The following HEXIM2 variants were observed in gnomAD, a reference collection of about 807,000 sequenced individuals.
HEXIM2 encodes the protein HEXIM P-TEFb complex subunit 2.
For missense variants in HEXIM2, 413 were observed against 390.8 expected (o/e 1.06, Z -0.48); for synonymous variants, 159 against 162.7 (o/e 0.98, Z 0.17).
chr17:45,160,361 G>C (rs1048013939), upstream of HEXIM2, among the ~76,000 whole-genome samples: 4 of 152,042 alleles, frequency 2.6e-5, no homozygotes, highest in African/African-American at 9.7e-5. Flanking sequence ...AGGTTACCTA[G>C]TAACAATGCA....
chr17:45,169,336 G>A lies in HEXIM2; in HGVS notation c.388G>A (p.Glu130Lys). The A allele has an allele frequency of 6.2e-7, 1 of 1,613,924 alleles. No individual in the cohort carries two copies. Among genetic ancestry groups the A allele is most frequent in the Non-Finnish European group, 8.5e-7 (1 of 1,180,030 alleles). Residue 130 changes from glutamate (E) to lysine (K), a missense_variant, in exon 4 of 4, where the codon GAG (glutamate) becomes AAG (lysine). Transcript: ENST00000589230. Reference protein sequence around the residue: ...QSQRASRVREEMFAKGQPVAP... With the variant: ...QSQRASRVREKMFAKGQPVAP... ...CCAGAGGGCCTCCCGGGTCCGCGAA[G>A]AGATGTTCGCCAAAGGCCAGCCCGT...
chr17:45,169,557 G>C lies in HEXIM2; in HGVS notation c.609G>C (p.Glu203Asp), dbSNP rs773623201. 1.9e-6 allele frequency: 3 copies of C among 1,561,718 alleles called. No individual in the cohort carries two copies. The highest frequency in any genetic ancestry group is 2.3e-5 in the South Asian group (2 of 85,630). Residue 203 changes from glutamate (E) to aspartate (D), a missense_variant, in exon 4 of 4, where the codon GAG becomes GAC. Coordinates refer to ENST00000589230, the MANE Select transcript of HEXIM2 (RefSeq NM_001303441.2). The part of the protein sequence containing the change: ...FSETYERFHT[E>D]SLQGRSKQEL... ...AGACTTACGAACGCTTCCACACCGA[G>C]AGCCTGCAGGGCCGCAGCAAGCAGG...
At chr17:45,160,519 C>G (rs1266422957), upstream of HEXIM2, among the ~76,000 whole-genome samples, 1 of 151,938 alleles carries the variant, frequency 6.6e-6, no homozygotes, top group Non-Finnish European at 1.5e-5. Context: ...AGCCATTTCT[C>G]TAAAAGTTGT....
At chr17:45,162,130 G>C (rs1309252989) in intron 1 of HEXIM2, 99 bp downstream of exon 1, 4 of 482,072 alleles carry the variant, frequency 8.3e-6, no homozygotes, top group Non-Finnish European at 1.1e-5. Context: ...GCTGCATGTA[G>C]TGCAAAGACC....
rs2042946380 is a variant in HEXIM2 at position 45,169,034 on chromosome 17, G to T, written c.86G>T (p.Ser29Ile). The T allele has an allele frequency of 2.5e-6, 4 of 1,611,188 alleles. No homozygotes were observed. In the African/African-American group the frequency reaches 5.3e-5, roughly 22 times the overall value. Residue 29 changes from serine (S) to isoleucine (I), a missense_variant, in exon 4 of 4, where the codon AGC (serine) becomes ATC (isoleucine). Physicochemically the swap from Ser to Ile is moderately radical, Grantham distance 142 (BLOSUM62 -2). Transcript: ENST00000589230. ...CTTTAGACCTCTGGTGCCCCGGGGA[G>T]CCCCCAAACACCCCCTGAGCGTCAT... ...EEAKTSGAPG[S>I]PQTPPERHDS... is the part of the protein sequence containing the mutation.
At position 45,169,297 on chromosome 17, in the gene HEXIM2, G is replaced by T. The variant is rs1169989943; in HGVS notation, c.349G>T (p.Asp117Tyr). The T allele has an allele frequency of 6.2e-7, 1 of 1,613,864 alleles. No individual in the cohort carries two copies. Reference sequence around the variant, plus strand: ...GAGCTGGGCTGAGAAACAACAGCGGGATGAGAGGCAGAGCCAGAGGGCCTC... The same window carrying T: ...GAGCTGGGCTGAGAAACAACAGCGGTATGAGAGGCAGAGCCAGAGGGCCTC... ...ELSWAEKQQR[D>Y]ERQSQRASRV... The change falls in exon 4 of 4, where the codon GAT (aspartate) becomes TAT (tyrosine). Residue 117 changes from aspartate (D) to tyrosine (Y), a missense_variant. Asp to Tyr is a radical substitution (Grantham distance 160). Transcript: ENST00000589230.
In HEXIM2 at chr17:45,161,892, T is replaced by G. The variant is rs1428734852; in HGVS notation, c.-332T>G. The stretch of plus-strand genomic sequence containing the variant: ...TCCAGGCTCTCTCTTCCCCCCCATC[T>G]TAGTGGCCTGAGCGGCTTGACCAGA... On this transcript the variant is annotated 5_prime_UTR_variant, in exon 1 of 4. Coordinates refer to ENST00000589230, the MANE Select transcript of HEXIM2 (RefSeq NM_001303441.2). 1.0e-6 allele frequency: 1 copy of G among 985,516 alleles called. No individual in the cohort carries two copies. Among genetic ancestry groups the G allele is most frequent in the Admixed American group, 6.2e-5 (1 of 16,246 alleles). 61.0% of individuals were successfully genotyped at this position (985,516 alleles called of 1,614,324 possible).
At chr17:45,160,652 G>A, upstream of HEXIM2, 1 of 333,406 alleles carries the variant, frequency 3.0e-6, no homozygotes, top group Non-Finnish European at 6.0e-6. Context: ...CCTGTAAAGG[G>A]CAAAACCTCA....
At chr17:45,160,746 T>C (rs1481973779), upstream of HEXIM2, 6 of 425,786 alleles carry the variant, frequency 1.4e-5, no homozygotes, top group East Asian at 7.2e-5. Flanking sequence ...CTAGGTCAGG[T>C]TGTCCGGAGA....
Position 45,162,551 on chromosome 17 carries a change from C to T in HEXIM2, c.-129C>T. The stretch of plus-strand genomic sequence containing the variant: ...AGGAGCAGGACAGAGAAGACGGCCC[C>T]TGAATCCCATTTGGCCCCTTGCTGG... On this transcript the variant is annotated 5_prime_UTR_variant, in exon 2 of 4. Coordinates refer to ENST00000589230, the MANE Select transcript of HEXIM2 (RefSeq NM_001303441.2). 1 of 1,364,818 alleles carries T rather than the reference C, an allele frequency of 7.3e-7. No homozygotes were observed. The highest frequency in any genetic ancestry group is 9.5e-7 in the Non-Finnish European group (1 of 1,055,874). 84.5% of individuals were successfully genotyped at this position (1,364,818 alleles called of 1,614,324 possible). A position where few individuals can be genotyped will look rare whatever the true frequency, so the allele number is the denominator to read the frequency against.
chr17:45,160,710 C>A, upstream of HEXIM2: 1 of 382,536 alleles, frequency 2.6e-6, no homozygotes, highest in Non-Finnish European at 5.3e-6. Flanking sequence ...ACACTTTAGG[C>A]GTTTCACCAA....
At chr17:45,161,258 G>T, upstream of HEXIM2, 1 of 351,866 alleles carries the variant, frequency 2.8e-6, no homozygotes, top group South Asian at 2.1e-5. Context: ...GGTAATTACC[G>T]AAGAACCCCG....
At chr17:45,160,853 C>A, upstream of HEXIM2, 1 of 1,248,016 alleles carries the variant, frequency 8.0e-7, no homozygotes, top group Admixed American at 2.3e-5. Flanking sequence ...TCTAGCTGCT[C>A]CCAGGGGGAA....
chr17:45,169,048 C>T lies in HEXIM2; in HGVS notation c.100C>T (p.Pro34Ser). ...TGCCCCGGGGAGCCCCCAAACACCC[C>T]CTGAGCGTCATGACTCTGGTGGTTC... is the stretch of plus-strand genomic sequence containing the variant. ...SGAPGSPQTP[P>S]ERHDSGGSLP... The change falls in exon 4 of 4, where the codon CCT becomes TCT. Residue 34 changes from proline to serine, a missense_variant. Coordinates refer to ENST00000589230, the MANE Select transcript of HEXIM2 (RefSeq NM_001303441.2). The T allele has an allele frequency of 6.2e-7, 1 of 1,613,740 alleles. No homozygotes were observed. The highest frequency in any genetic ancestry group is 2.2e-5 in the East Asian group (1 of 44,882).
chr17:45,165,372 G>A (rs1217427517), intron 3 of HEXIM2, among the ~76,000 whole-genome samples: 3 of 152,078 alleles, frequency 2.0e-5, no homozygotes, highest in Admixed American at 6.6e-5. Context: ...CTTAAGGGCC[G>A]CGCATACACC....
chr17:45,169,685 G>T lies in HEXIM2; in HGVS notation c.737G>T (p.Cys246Phe), dbSNP rs1219632786. The T allele has an allele frequency of 2.0e-6, 3 of 1,531,062 alleles. No homozygotes were observed. The allele number at this position is 1,531,062 out of a possible 1,614,324, so 94.8% of individuals were successfully genotyped here. ...CAGGCGTGCACCGGCCAGCAGTCCT[G>T]CCGCCAGGTGGAGGAGCTGGCTGCC... ...QLQACTGQQSCRQVEELAAEV... is the reference protein window; with the variant it reads ...QLQACTGQQSFRQVEELAAEV... Residue 246 changes from cysteine to phenylalanine, a missense_variant, in exon 4 of 4, where the codon TGC (cysteine) becomes TTC (phenylalanine). By Grantham distance (205) the Cys-to-Phe change is radical (BLOSUM62 -2). Coordinates refer to ENST00000589230, the MANE Select transcript of HEXIM2 (RefSeq NM_001303441.2).
At position 45,169,672 on chromosome 17, in the gene HEXIM2, G is replaced by A; in HGVS notation, c.724G>A (p.Gly242Ser). Residue 242 changes from glycine to serine, a missense_variant, in exon 4 of 4, where the codon GGC becomes AGC. Coordinates refer to ENST00000589230, the MANE Select transcript of HEXIM2 (RefSeq NM_001303441.2). ...RRLQQLQACTGQQSCRQVEEL... is the reference protein window; with the variant it reads ...RRLQQLQACTSQQSCRQVEEL... Reference sequence around the variant, plus strand: ...GCTGCAGCAGCTGCAGGCGTGCACCGGCCAGCAGTCCTGCCGCCAGGTGGA... The same window carrying A: ...GCTGCAGCAGCTGCAGGCGTGCACCAGCCAGCAGTCCTGCCGCCAGGTGGA... 2.0e-6 allele frequency: 3 copies of A among 1,532,782 alleles called. No homozygotes were observed. The highest frequency in any genetic ancestry group is 2.6e-6 in the Non-Finnish European group (3 of 1,136,712). 94.9% of individuals were successfully genotyped at this position (1,532,782 alleles called of 1,614,324 possible). A position where few individuals can be genotyped will look rare whatever the true frequency, so the allele number is the denominator to read the frequency against.
At chr17:45,160,651 G>C (rs1198678141), upstream of HEXIM2, 2 of 333,360 alleles carry the variant, frequency 6.0e-6, no homozygotes, top group South Asian at 4.6e-5. Flanking sequence ...CCCTGTAAAG[G>C]GCAAAACCTC....
Position 45,161,889 on chromosome 17 carries a change from A to T in HEXIM2, c.-335A>T. On this transcript the variant is annotated 5_prime_UTR_variant, in exon 1 of 4. Coordinates refer to ENST00000589230, the MANE Select transcript of HEXIM2 (RefSeq NM_001303441.2). ...GCGTCCAGGCTCTCTCTTCCCCCCC[A>T]TCTTAGTGGCCTGAGCGGCTTGACC... 1 of 985,244 alleles carries T rather than the reference A, an allele frequency of 1.0e-6. No individual in the cohort carries two copies. The highest frequency in any genetic ancestry group is 5.2e-4 in the Middle Eastern group (1 of 1,916). 61.0% of individuals were successfully genotyped at this position (985,244 alleles called of 1,614,324 possible).
Sources: allele counts gnomAD v4.1 joint callset (sites outside exome capture counted in the v4.1 genomes callset), GRCh38; gene constraint gnomAD v4.1.1; transcripts MANE v1.5; gene names NCBI Gene and HGNC (gene_info 2026-07-23, HGNC 2026-07-21).